Variants in MVB12B observed in about 807,000 individuals in gnomAD.
The protein encoded by MVB12B is multivesicular body subunit 12B, also known as ESCRT-I complex subunit MVB12B.
A neutral mutation model predicts 41.6 loss-of-function variants in MVB12B; 16 were observed. The ratio of observed to expected loss-of-function variants is 0.38; its 90% confidence interval spans 0.26 to 0.58. MVB12B has a LOEUF of 0.58. MVB12B is among the 20% of genes least tolerant of loss of function. The pLI, the probability that MVB12B is intolerant of heterozygous loss-of-function variation, is 0.62. For synonymous variants in MVB12B, 133 were observed against 139.7 expected (o/e 0.95, Z 0.34); for missense variants, 274 against 380.2 (o/e 0.72, Z 2.32).
rs1170806835 is a variant in MVB12B at position 126,395,301 on chromosome 9, A to C, written c.540-274A>C. On this transcript the variant is annotated intron_variant, in intron 5 of 9. Transcript: ENST00000361171. The surrounding 1 kb of genome is among the most constrained non-coding windows in gnomAD (Gnocchi z 4.9). ...AAACAAAAAGAAGTTTGGAGAAGCA[A>C]GGAAAGTACCAGTTGGAGTAGGAAG... is the stretch of plus-strand genomic sequence containing the variant. 6.6e-6 allele frequency among the ~76,000 whole-genome samples: 1 copy of C among 152,200 alleles called. No homozygotes were observed. Among genetic ancestry groups the C allele is most frequent in the Non-Finnish European group, 1.5e-5 (1 of 68,038 alleles).
rs1831084870 is a variant in MVB12B, at chr9:126,395,488, C to G, written c.540-87C>G. 5.3e-6 allele frequency: 8 copies of G among 1,504,266 alleles called. No individual in the cohort carries two copies. The highest frequency in any genetic ancestry group is 7.3e-6 in the Non-Finnish European group (8 of 1,098,870). The allele number at this position is 1,504,266 out of a possible 1,614,324, so 93.2% of individuals were successfully genotyped here. A position where few individuals can be genotyped will look rare whatever the true frequency, so the allele number is the denominator to read the frequency against. ...GATTCCCTGGTGTTTGAGGCCATGA[C>G]TCTTTTAAATGAATTGGTTTGCTTT... On this transcript the variant is annotated intron_variant, in intron 5 of 9. Coordinates refer to ENST00000361171, the MANE Select transcript of MVB12B (RefSeq NM_033446.3). The surrounding 1 kb of genome is among the most constrained non-coding windows in gnomAD (Gnocchi z 4.9).
chr9:126,467,820 T>A (rs1423115279), intron 7 of MVB12B, among the ~76,000 whole-genome samples: 1 of 152,194 alleles, frequency 6.6e-6, no homozygotes. Flanking sequence ...CCTTTTCCCT[T>A]CCTGCCCAGC....
At chr9:126,343,900 G>T (rs1829517677) in intron 2 of MVB12B, among the ~76,000 whole-genome samples, 1 of 152,214 alleles carries the variant, frequency 6.6e-6, no homozygotes, top group Non-Finnish European at 1.5e-5. Flanking sequence ...CTGGGCAACA[G>T]AGTGAGACTC....
intron 2 of MVB12B, among the ~76,000 whole-genome samples, chr9:126,368,844 A>G (rs1830257331): frequency 6.6e-6 from 1 of 152,220 alleles, no homozygotes. Flanking sequence ...TTTTCTCTGC[A>G]TTTATATGTA....
rs994080589 is a variant in MVB12B, at chr9:126,426,575, C to CT, written c.757+4637dup. On this transcript the variant is annotated intron_variant, in intron 7 of 9. Transcript: ENST00000361171. The stretch of plus-strand genomic sequence containing the variant: ...TTAGTCCCAAATGGTGGCACCCTAC[C>CT]TTTTTTTTTTCTTGGATTTTTTAAT... Among the ~76,000 whole-genome samples, 651 of 149,660 alleles carry CT rather than the reference C, an allele frequency of 4.3e-3. 1 individual carries two copies. Among genetic ancestry groups the CT allele is most frequent in the Middle Eastern group, 0.021 (6 of 292 alleles).
Position 126,503,379 on chromosome 9 carries a change from C to A in MVB12B, c.*116C>A. On this transcript the variant is annotated 3_prime_UTR_variant, in exon 10 of 10. Transcript: ENST00000361171. Reference sequence around the variant, plus strand: ...AGCCCTCCCTCCCACACTGCCCCAGCAGGGCTGGCCCGGAGACTGGGCAGC... The same window carrying A: ...AGCCCTCCCTCCCACACTGCCCCAGAAGGGCTGGCCCGGAGACTGGGCAGC... The A allele has an allele frequency of 2.4e-6, 2 of 835,656 alleles. No individual in the cohort carries two copies. Among genetic ancestry groups the A allele is most frequent in the Non-Finnish European group, 1.9e-6 (1 of 540,000 alleles). The allele number at this position is 835,656 out of a possible 1,614,324, so 51.8% of individuals were successfully genotyped here. A position where few individuals can be genotyped will look rare whatever the true frequency, so the allele number is the denominator to read the frequency against.
chr9:126,347,019 GAGCTAGAGGATGCCATGACCCC>G (rs531236958), intron 2 of MVB12B, among the ~76,000 whole-genome samples: 1,976 of 152,330 alleles, frequency 0.013, 36 homozygotes, highest in African/African-American at 0.045. Flanking sequence ...GGCATAGCGG[GAGCTAGAGGATGCCATGACCCC>G]AGCTAGAGGA....
chr9:126,379,160 G>C (rs1387013240), intron 2 of MVB12B, among the ~76,000 whole-genome samples: 1 of 152,186 alleles, frequency 6.6e-6, no homozygotes, highest in Non-Finnish European at 1.5e-5. Flanking sequence ...GAGAGACCAT[G>C]TAGGTTCCCT....
intron 2 of MVB12B, among the ~76,000 whole-genome samples, chr9:126,378,622 T>TC (rs1432059828): frequency 3.6e-4 from 54 of 151,996 alleles, no homozygotes; most frequent in Middle Eastern, 3.4e-3. Flanking sequence ...TCTCTCTCTC[T>TC]CTTCTCTGTC....
Position 126,395,859 on chromosome 9 carries a change from A to T in MVB12B, c.662+162A>T. 2.1e-6 allele frequency: 3 copies of T among 1,434,914 alleles called. No individual in the cohort carries two copies. The highest frequency in any genetic ancestry group is 2.7e-6 in the Non-Finnish European group (3 of 1,096,542). The allele number at this position is 1,434,914 out of a possible 1,614,324, so 88.9% of individuals were successfully genotyped here. A position where few individuals can be genotyped will look rare whatever the true frequency, so the allele number is the denominator to read the frequency against. On this transcript the variant is annotated intron_variant, in intron 6 of 9. Transcript: ENST00000361171. The surrounding 1 kb of genome is among the most constrained non-coding windows in gnomAD (Gnocchi z 4.9). The stretch of plus-strand genomic sequence containing the variant: ...AGGAGATTTTTAAAAATCCACTTGG[A>T]AATCTTTGCATTACATGAATGCAAA...
Position 126,389,681 on chromosome 9 carries a change from C to T in MVB12B, c.410-2385C>T, listed in dbSNP as rs1051748703. 4.6e-5 allele frequency among the ~76,000 whole-genome samples: 7 copies of T among 152,080 alleles called. No homozygotes were observed. Among genetic ancestry groups the T allele is most frequent in the African/African-American group, 1.4e-4 (6 of 41,410 alleles). On this transcript the variant is annotated intron_variant, in intron 4 of 9. Coordinates refer to ENST00000361171, the MANE Select transcript of MVB12B (RefSeq NM_033446.3). The surrounding 1 kb of genome is among the most constrained non-coding windows in gnomAD (Gnocchi z 4.4). ...CTCTCTTCTTCGTGCTTTCTAAGGCCGATCTGATCAGCTGATAATCTTTGA... is the reference window on the plus strand; with the variant it reads ...CTCTCTTCTTCGTGCTTTCTAAGGCTGATCTGATCAGCTGATAATCTTTGA...
intron 2 of MVB12B, among the ~76,000 whole-genome samples, chr9:126,365,280 T>C (rs962508582): frequency 6.9e-6 from 1 of 145,014 alleles, no homozygotes; most frequent in Non-Finnish European, 1.5e-5. Context: ...TTAGCCAGAA[T>C]GGTCTCGATC....
intron 9 of MVB12B, among the ~76,000 whole-genome samples, chr9:126,496,011 G>C (rs180818819): frequency 7.2e-5 from 11 of 152,174 alleles, no homozygotes; most frequent in Non-Finnish European, 1.3e-4. Context: ...CTGTCACTCA[G>C]TCATGCCCAG....
At chr9:126,332,992 C>T (rs1418144294) in intron 1 of MVB12B, among the ~76,000 whole-genome samples, 7 of 152,216 alleles carry the variant, frequency 4.6e-5, no homozygotes, top group African/African-American at 9.7e-5. Flanking sequence ...GCTAAGACTA[C>T]GTGCTTGCAT....
chr9:126,331,165 T>G (rs1829120639), intron 1 of MVB12B, among the ~76,000 whole-genome samples: 1 of 152,208 alleles, frequency 6.6e-6, no homozygotes, highest in Non-Finnish European at 1.5e-5. Flanking sequence ...ATTTATAATT[T>G]TCTGCGGAAC....
intron 5 of MVB12B, among the ~76,000 whole-genome samples, chr9:126,394,203 T>G (rs1044812175): frequency 3.9e-5 from 6 of 152,198 alleles, no homozygotes; most frequent in Admixed American, 2.0e-4. Flanking sequence ...TAAACATACT[T>G]CAGGCACCTC....
intron 9 of MVB12B, among the ~76,000 whole-genome samples, chr9:126,493,757 C>CT (rs1373241474): frequency 6.6e-6 from 1 of 152,178 alleles, no homozygotes; most frequent in Non-Finnish European, 1.5e-5. Context: ...TGAACGAGAT[C>CT]TTTTTTCTCA....
At position 126,478,450 on chromosome 9, in the gene MVB12B, C is replaced by T. The variant is rs564508868; in HGVS notation, c.758-2919C>T. 2.6e-4 allele frequency among the ~76,000 whole-genome samples: 39 copies of T among 152,294 alleles called. No individual in the cohort carries two copies. Among genetic ancestry groups the T allele is most frequent in the African/African-American group, 7.9e-4 (33 of 41,560 alleles). ...ACCTGGAATGCAGAGGTGACTCGCA[C>T]ATGCACCTACAATAAGAGGAGAGGA... On this transcript the variant is annotated intron_variant, in intron 7 of 9. Coordinates refer to ENST00000361171, the MANE Select transcript of MVB12B (RefSeq NM_033446.3). This position sits in a 1 kb window ranked among gnomAD's most constrained non-coding sequence, Gnocchi z 4.2.
intron 2 of MVB12B, among the ~76,000 whole-genome samples, chr9:126,370,938 C>T (rs1225017041): frequency 2.6e-5 from 4 of 152,146 alleles, no homozygotes; most frequent in African/African-American, 7.2e-5. Context: ...AAATATACTC[C>T]ACATTTTTTT....
Sources: allele counts gnomAD v4.1 joint callset (sites outside exome capture counted in the v4.1 genomes callset), GRCh38; gene constraint gnomAD v4.1.1; non-coding constraint Gnocchi (gnomAD v3.1); transcripts MANE v1.5; gene names NCBI Gene and HGNC (gene_info 2026-07-23, HGNC 2026-07-21).